The following ADGRL2 variants were observed in gnomAD, a reference collection of about 807,000 sequenced individuals.
ADGRL2 encodes adhesion G protein-coupled receptor L2, also known as calcium-independent alpha-latrotoxin receptor 2.
Under a neutral mutation model 157.4 loss-of-function variants are expected in ADGRL2, and 44 were observed. The observed-to-expected ratio is 0.28, with a 90% CI of 0.22 to 0.36. The LOEUF is 0.36. ADGRL2 is among the 10% of genes least tolerant of loss of function. ADGRL2 has a pLI of 1.00. For synonymous variants in ADGRL2, 585 were observed against 624.7 expected, an observed-to-expected ratio of 0.94 and a Z score of 0.95; for missense variants, 1,510 against 1,768.9, an observed-to-expected ratio of 0.85 and a Z score of 2.63.
intron 17 of ADGRL2, among the ~76,000 whole-genome samples, chr1:81,978,452 G>T (rs901849694): frequency 6.6e-6 from 1 of 151,514 alleles, no homozygotes; most frequent in African/African-American, 2.4e-5. Context: ...CACTGTTTTT[G>T]TCCTTAAGTA....
chr1:81,564,762 A>G (rs2080521354), intron 2 of ADGRL2, among the ~76,000 whole-genome samples: 1 of 152,206 alleles, frequency 6.6e-6, no homozygotes, highest in Admixed American at 6.5e-5. Context: ...ACTGGGAGCC[A>G]CCTGAGAAGC....
intron 2 of ADGRL2, among the ~76,000 whole-genome samples, chr1:81,868,393 A>T (rs898949286): frequency 2.0e-5 from 3 of 152,048 alleles, no homozygotes; most frequent in Non-Finnish European, 4.4e-5. Flanking sequence ...TGAAATATAA[A>T]TTGGATCACT....
At chr1:81,832,832 G>A (rs568978162) in intron 1 of ADGRL2, among the ~76,000 whole-genome samples, 2 of 152,154 alleles carry the variant, frequency 1.3e-5, no homozygotes, top group Non-Finnish European at 2.9e-5. Flanking sequence ...GGTTTGCTTA[G>A]CTGACTTACT....
At chr1:81,837,966 G>A (rs1359803921) in intron 2 of ADGRL2, among the ~76,000 whole-genome samples, 2 of 151,836 alleles carry the variant, frequency 1.3e-5, no homozygotes, top group Admixed American at 1.3e-4. Context: ...TCTGAGAAAT[G>A]CATATAAATT....
At chr1:81,901,125 A>G (rs1168424475) in intron 2 of ADGRL2, among the ~76,000 whole-genome samples, 1 of 152,194 alleles carries the variant, frequency 6.6e-6, no homozygotes, top group Non-Finnish European at 1.5e-5. Context: ...ACAACAAAAC[A>G]TTTATAAGAT....
rs146468257 is a variant in ADGRL2 at position 81,517,343 on chromosome 1, C to T, written c.-247-63533C>T. On this transcript the variant is annotated intron_variant, in intron 2 of 24. Coordinates refer to the ADGRL2 transcript ENST00000370721. ...AAAATTAGCTGGGCATGGTGGTGCA[C>T]GCCTGTAGTCTCAGCTACTTCTTGG... Among the ~76,000 whole-genome samples, 451 of 151,672 alleles carry T rather than the reference C, an allele frequency of 3.0e-3. 9 individuals are homozygous for T. The highest frequency in any genetic ancestry group is 0.025 in the Admixed American group (379 of 15,210).
At chr1:81,393,203 T>A (rs1291559923) in intron 1 of ADGRL2, among the ~76,000 whole-genome samples, 2 of 152,116 alleles carry the variant, frequency 1.3e-5, no homozygotes, top group African/African-American at 2.4e-5. Flanking sequence ...AAAATTCTAT[T>A]AGCAATTATA....
chr1:81,773,033 T>C (rs553828621), intron 2 of ADGRL2, among the ~76,000 whole-genome samples: 1 of 152,200 alleles, frequency 6.6e-6, no homozygotes, highest in African/African-American at 2.4e-5. Flanking sequence ...GTGTTCTCAC[T>C]TGATCCCAAG....
intron 2 of ADGRL2, among the ~76,000 whole-genome samples, chr1:81,787,165 G>A (rs1321355198): frequency 6.6e-6 from 1 of 152,118 alleles, no homozygotes; most frequent in East Asian, 1.9e-4. Context: ...GGAACTGTAA[G>A]TCCAATTAAA....
intron 2 of ADGRL2, among the ~76,000 whole-genome samples, chr1:81,539,374 C>T (rs974130694): frequency 6.6e-6 from 1 of 152,162 alleles, no homozygotes; most frequent in African/African-American, 2.4e-5. Flanking sequence ...AGCTCTAGAG[C>T]TACAAGGCAT....
At chr1:81,976,537 T>A (rs1181727519) in intron 17 of ADGRL2, among the ~76,000 whole-genome samples, 3 of 152,014 alleles carry the variant, frequency 2.0e-5, no homozygotes, top group African/African-American at 7.2e-5. Context: ...ATACTTTTAG[T>A]TGTCTTTAAA....
intron 1 of ADGRL2, among the ~76,000 whole-genome samples, chr1:81,354,223 A>G (rs758117888): frequency 1.8e-4 from 28 of 152,206 alleles, no homozygotes; most frequent in Non-Finnish European, 2.5e-4. Context: ...AACTACAATT[A>G]CTCATCTCAT....
intron 1 of ADGRL2, among the ~76,000 whole-genome samples, chr1:81,356,656 T>G (rs982911469): frequency 1.2e-4 from 18 of 152,136 alleles, no homozygotes; most frequent in African/African-American, 4.3e-4. Context: ...AGGAGAGCAT[T>G]AAGAAGTTTC....
intron 3 of ADGRL2, among the ~76,000 whole-genome samples, chr1:81,681,566 A>G (rs12088864): frequency 0.017 from 2,590 of 152,330 alleles, 70 homozygotes; most frequent in African/African-American, 0.059. Flanking sequence ...CAGTTTGGGA[A>G]CTAGGCAAAG....
At chr1:81,692,227 C>G (rs774679845) in intron 3 of ADGRL2, among the ~76,000 whole-genome samples, 11 of 151,710 alleles carry the variant, frequency 7.3e-5, no homozygotes, top group Admixed American at 7.2e-4. Flanking sequence ...GCCAACATGG[C>G]GAAACCCCAT....
intron 1 of ADGRL2, among the ~76,000 whole-genome samples, chr1:81,434,491 GTGTC>G (rs2077375711): frequency 6.6e-6 from 1 of 152,056 alleles, no homozygotes; most frequent in South Asian, 2.1e-4. Flanking sequence ...GCCTAGAAGA[GTGTC>G]TGGTGCTTGA....
At chr1:81,616,969 C>T (rs987645992) in intron 3 of ADGRL2, among the ~76,000 whole-genome samples, 4 of 152,148 alleles carry the variant, frequency 2.6e-5, no homozygotes, top group Non-Finnish European at 2.9e-5. Context: ...TGAGCCACTG[C>T]GCCCAGCCGA....
chr1:81,943,161 AAAC>A lies in ADGRL2; in HGVS notation c.610_612del (p.Thr204del). The A allele has an allele frequency of 6.2e-7, 1 of 1,613,618 alleles. No individual in the cohort carries two copies. The highest frequency in any genetic ancestry group is 8.5e-7 in the Non-Finnish European group (1 of 1,179,652). ...TTAGAAGATTTCCAAAATAGTCGCC[AAAC>A]AACAACATATAAACTTCCAAATCGA... is the stretch of plus-strand genomic sequence containing the variant. On this transcript the variant is annotated inframe_deletion, in exon 6 of 24. Transcript: ENST00000686636. The surrounding 1 kb of genome is among the most constrained non-coding windows in gnomAD (Gnocchi z 5.6).
At chr1:81,987,053 C>A in intron 22 of ADGRL2, 24 bp downstream of exon 22, 2 of 1,607,034 alleles carry the variant, frequency 1.2e-6, no homozygotes, top group Non-Finnish European at 1.7e-6. Context: ...ACAAATAAAA[C>A]TACCTTTCTT....
Sources: gnomAD v4.1 joint callset for allele counts (sites outside exome capture counted in the v4.1 genomes callset) on GRCh38, gnomAD v4.1.1 for gene constraint, Gnocchi (gnomAD v3.1) non-coding constraint, MANE v1.5 for transcripts, NCBI Gene and HGNC (gene_info 2026-07-23, HGNC 2026-07-21) for gene names.